The following SAMMSON variants were observed in gnomAD, a reference collection of about 807,000 sequenced individuals.
SAMMSON encodes the protein long intergenic non-protein coding RNA 1212.
intron 7 of SAMMSON, among the ~76,000 whole-genome samples, chr3:70,305,114 CACA>C (rs1306487103): frequency 1.3e-5 from 2 of 152,150 alleles, no homozygotes; most frequent in African/African-American, 4.8e-5. Flanking sequence ...CAATCTCTAT[CACA>C]ACATCTTGTT....
At chr3:70,133,091 G>T (rs2067489277) in intron 4 of SAMMSON, among the ~76,000 whole-genome samples, 1 of 152,074 alleles carries the variant, frequency 6.6e-6, no homozygotes, top group African/African-American at 2.4e-5. Context: ...TACAACCTCT[G>T]GAATCTCTGA....
At chr3:70,401,858 A>T (rs901744413) in intron 2 of SAMMSON, among the ~76,000 whole-genome samples, 1 of 152,184 alleles carries the variant, frequency 6.6e-6, no homozygotes, top group African/African-American at 2.4e-5. Flanking sequence ...TTTTTGAAAA[A>T]GTCATGAGCA....
chr3:70,271,465 G>C (rs1226830707), intron 6 of SAMMSON, among the ~76,000 whole-genome samples: 1 of 152,116 alleles, frequency 6.6e-6, no homozygotes, highest in Non-Finnish European at 1.5e-5. Flanking sequence ...CAGAAGTCTG[G>C]AATTTGTATG....
At chr3:70,231,929 A>G (rs1474791586) in intron 4 of SAMMSON, among the ~76,000 whole-genome samples, 1 of 152,134 alleles carries the variant, frequency 6.6e-6, no homozygotes, top group Non-Finnish European at 1.5e-5. Context: ...ATGCTACACC[A>G]AATAACAGTC....
intron 4 of SAMMSON, among the ~76,000 whole-genome samples, chr3:70,100,779 C>T (rs536635600): frequency 1.3e-5 from 2 of 152,262 alleles, no homozygotes; most frequent in Admixed American, 1.3e-4. Flanking sequence ...AAAAAATCAA[C>T]ATACCAAACT....
At chr3:70,365,955 T>G (rs982963113) in intron 9 of SAMMSON, among the ~76,000 whole-genome samples, 1 of 149,066 alleles carries the variant, frequency 6.7e-6, no homozygotes, top group African/African-American at 2.5e-5. Flanking sequence ...AAAAATTGTT[T>G]GTGCTTTACC....
chr3:70,006,054 C>T lies in SAMMSON; in HGVS notation n.22+6187C>T, dbSNP rs186357192. Among the ~76,000 whole-genome samples the T allele has an allele frequency of 2.0e-3, 303 of 152,216 alleles. 5 individuals are homozygous for T. The highest frequency in any genetic ancestry group is 2.5e-3 in the Non-Finnish European group (172 of 68,016). Reference sequence around the variant, plus strand: ...AACTAGTTGACAGAGCTGATTTTATCGATTTTAATAAATAATCAAACATGC... The same window carrying T: ...AACTAGTTGACAGAGCTGATTTTATTGATTTTAATAAATAATCAAACATGC... On this transcript the variant is annotated intron_variant and non_coding_transcript_variant, in intron 1 of 9. Transcript: ENST00000642114.
At chr3:70,186,692 A>G (rs1701094682) in intron 4 of SAMMSON, among the ~76,000 whole-genome samples, 1 of 152,208 alleles carries the variant, frequency 6.6e-6, no homozygotes, top group Non-Finnish European at 1.5e-5. Context: ...CTGAAAAAGG[A>G]GCCCCCAAGA....
intron 4 of SAMMSON, among the ~76,000 whole-genome samples, chr3:70,086,412 C>T (rs1033342615): frequency 6.6e-6 from 1 of 152,192 alleles, no homozygotes; most frequent in African/African-American, 2.4e-5. Context: ...AAATAAAATA[C>T]ATGCAAAGAT....
chr3:70,351,706 ACAAC>A (rs1455816676), intron 7 of SAMMSON, among the ~76,000 whole-genome samples: 5 of 144,796 alleles, frequency 3.5e-5, no homozygotes, highest in Non-Finnish European at 7.6e-5. Flanking sequence ...AAACAAACAA[ACAAC>A]AACAAAATCC....
intron 4 of SAMMSON, among the ~76,000 whole-genome samples, chr3:70,108,612 G>A (rs2067376822): frequency 6.6e-6 from 1 of 151,496 alleles, no homozygotes; most frequent in Non-Finnish European, 1.5e-5. Flanking sequence ...GGGGCCTTTG[G>A]GATATAACTG....
chr3:70,010,342 G>A (rs6799782), intron 1 of SAMMSON, among the ~76,000 whole-genome samples: 5,535 of 152,042 alleles, frequency 0.036, 301 homozygotes, highest in African/African-American at 0.12. Flanking sequence ...GTGCATATAT[G>A]TTTAGGATAG....
chr3:70,306,486 A>G (rs184828163), intron 7 of SAMMSON, among the ~76,000 whole-genome samples: 41 of 152,146 alleles, frequency 2.7e-4, no homozygotes, highest in Non-Finnish European at 5.3e-4. Context: ...ACTTAATTCA[A>G]AATAACTACA....
Position 70,108,423 on chromosome 3 carries a change from C to CTTTTTTTTT in SAMMSON, n.507+36868_507+36876dup, listed in dbSNP as rs61561713. ...TAGTGTTTCTCAACTCTTGCGGTTCCTTTTTTTTTTTTTTTTTTATCATAA... is the reference window on the plus strand; with the variant it reads ...TAGTGTTTCTCAACTCTTGCGGTTCCTTTTTTTTTTTTTTTTTTTTTTTTTTTATCATAA... On this transcript the variant is annotated intron_variant and non_coding_transcript_variant, in intron 4 of 9. Coordinates refer to ENST00000642114, the Ensembl canonical transcript of SAMMSON. Among the ~76,000 whole-genome samples, 35 of 89,348 alleles carry CTTTTTTTTT rather than the reference C, an allele frequency of 3.9e-4. 4 individuals are homozygous for CTTTTTTTTT. Among genetic ancestry groups the CTTTTTTTTT allele is most frequent in the East Asian group, 2.2e-3 (4 of 1,850 alleles). 58.6% of individuals were successfully genotyped at this position (89,348 alleles called of 152,430 possible).
chr3:70,321,464 T>C (rs1453280336), intron 7 of SAMMSON, among the ~76,000 whole-genome samples: 1 of 152,170 alleles, frequency 6.6e-6, no homozygotes, highest in South Asian at 2.1e-4. Context: ...GCTAATATAC[T>C]ACAATTTTGT....
chr3:70,276,789 T>C (rs756206781), intron 6 of SAMMSON, among the ~76,000 whole-genome samples: 1 of 152,224 alleles, frequency 6.6e-6, no homozygotes, highest in Non-Finnish European at 1.5e-5. Context: ...TGACAAAGAC[T>C]ACATGGCCCA....
intron 2 of SAMMSON, among the ~76,000 whole-genome samples, chr3:70,400,405 G>A (rs117286663): frequency 5.3e-5 from 8 of 152,076 alleles, no homozygotes; most frequent in Middle Eastern, 3.2e-3. Flanking sequence ...ATCTGGTTTC[G>A]TTGGGTCCTC....
At chr3:70,234,956 G>A (rs945547942) in intron 4 of SAMMSON, among the ~76,000 whole-genome samples, 5 of 152,156 alleles carry the variant, frequency 3.3e-5, no homozygotes, top group Admixed American at 2.0e-4. Context: ...GGTCTGGAGT[G>A]CAGTCTGGGC....
intron 4 of SAMMSON, among the ~76,000 whole-genome samples, chr3:70,167,044 G>A (rs2067640171): frequency 1.3e-5 from 2 of 151,976 alleles, no homozygotes; most frequent in African/African-American, 4.8e-5. Flanking sequence ...TTTAAAAAGT[G>A]TAAAATTAAT....
Sources: allele counts gnomAD v4.1 joint callset (sites outside exome capture counted in the v4.1 genomes callset), GRCh38; gene constraint gnomAD v4.1.1; transcripts MANE v1.5; gene names NCBI Gene and HGNC (gene_info 2026-07-23, HGNC 2026-07-21).